Variants in NTM observed in about 807,000 individuals in gnomAD.
NTM encodes IgLON family member 2.
NTM carries 13 observed loss-of-function variants against 42.1 expected under a neutral mutation model. That is an observed-to-expected ratio of 0.31 (90% CI 0.20 to 0.49). The LOEUF (loss-of-function observed/expected upper bound fraction) is 0.49, where lower values mean the gene tolerates loss of function less well. Among genes scored for constraint, NTM ranks in the 20% least tolerant of loss-of-function variants. The probability of loss-of-function intolerance (pLI) is 0.99; values close to 1 mark genes in which losing one functional copy is unlikely to be tolerated. For synonymous variants in NTM, 187 were observed against 179.2 expected, an observed-to-expected ratio of 1.04 and a Z score of -0.35; for missense variants, 373 against 452.8, an observed-to-expected ratio of 0.82 and a Z score of 1.60.
At chr11:131,605,992 C>A in intron 1 of NTM, 1 of 660,960 alleles carries the variant, frequency 1.5e-6, no homozygotes, top group Non-Finnish European at 1.9e-6. Context: ...TGCCTCTCTG[C>A]TCCCAAGGAC....
intron 1 of NTM, among the ~76,000 whole-genome samples, chr11:131,553,474 A>G (rs2054979593): frequency 6.6e-6 from 1 of 152,114 alleles, no homozygotes; most frequent in Non-Finnish European, 1.5e-5. Context: ...TTCCTAGTTT[A>G]ATGAATGACA....
chr11:131,833,940 G>T (rs185513207), intron 1 of NTM, among the ~76,000 whole-genome samples: 1 of 151,956 alleles, frequency 6.6e-6, no homozygotes, highest in Admixed American at 6.6e-5. Flanking sequence ...AATTCTACTT[G>T]CTCTTCTCCC....
intron 2 of NTM, among the ~76,000 whole-genome samples, chr11:132,068,546 C>T (rs768965024): frequency 1.3e-5 from 2 of 152,202 alleles, no homozygotes; most frequent in African/African-American, 2.4e-5. Flanking sequence ...TTCTATCATG[C>T]ACTTACAAGT....
intron 1 of NTM, among the ~76,000 whole-genome samples, chr11:131,778,758 C>A (rs111909615): frequency 6.6e-6 from 1 of 152,082 alleles, no homozygotes; most frequent in South Asian, 2.1e-4. Flanking sequence ...CTCAATTTTC[C>A]GGTTAACTAT....
chr11:132,265,398 A>G (rs552223251), intron 4 of NTM, among the ~76,000 whole-genome samples: 4 of 152,298 alleles, frequency 2.6e-5, no homozygotes, highest in Admixed American at 2.6e-4. Flanking sequence ...TAAATTTTCT[A>G]ATACGCTAAA....
At chr11:131,775,099 C>G (rs140416559) in intron 1 of NTM, among the ~76,000 whole-genome samples, 1 of 152,176 alleles carries the variant, frequency 6.6e-6, no homozygotes, top group East Asian at 1.9e-4. Context: ...AATAATTCAG[C>G]ACAGGGCTCC....
intron 3 of NTM, among the ~76,000 whole-genome samples, chr11:132,156,464 A>G (rs1386868318): frequency 6.6e-6 from 1 of 152,160 alleles, no homozygotes; most frequent in East Asian, 1.9e-4. Context: ...CTCTGCCAGG[A>G]GCTAGAGCCT....
At chr11:131,641,979 C>T (rs1348538038) in intron 1 of NTM, among the ~76,000 whole-genome samples, 1 of 152,156 alleles carries the variant, frequency 6.6e-6, no homozygotes, top group Non-Finnish European at 1.5e-5. Flanking sequence ...CCTGCCTTGG[C>T]CTCCCTAAGT....
intron 1 of NTM, among the ~76,000 whole-genome samples, chr11:131,500,998 C>G (rs896444674): frequency 6.6e-6 from 1 of 151,264 alleles, no homozygotes; most frequent in Non-Finnish European, 1.5e-5. Context: ...AAAATGTGAC[C>G]CTATAGTTAT....
At position 131,516,263 on chromosome 11, in the gene NTM, T is replaced by C. The variant is rs566258640; in HGVS notation, c.82+145375T>C. Among the ~76,000 whole-genome samples the C allele has an allele frequency of 2.6e-5, 4 of 152,352 alleles. No homozygotes were observed. In the South Asian group the frequency reaches 6.2e-4, roughly 24 times the overall value. On this transcript the variant is annotated intron_variant, in intron 1 of 8. Transcript: ENST00000683400. ...TTATGTAATTCCTATATTCTATACATAGAACAGATGCTTAGTTTATTAATT... is the reference window on the plus strand; with the variant it reads ...TTATGTAATTCCTATATTCTATACACAGAACAGATGCTTAGTTTATTAATT...
At chr11:132,042,353 T>C (rs976527588) in intron 2 of NTM, among the ~76,000 whole-genome samples, 2 of 152,216 alleles carry the variant, frequency 1.3e-5, no homozygotes, top group African/African-American at 4.8e-5. Flanking sequence ...GGGATGTTTA[T>C]ACTTCCTGCT....
chr11:132,215,231 T>C (rs2083595552), intron 4 of NTM, among the ~76,000 whole-genome samples: 1 of 151,962 alleles, frequency 6.6e-6, no homozygotes, highest in Admixed American at 6.5e-5. Flanking sequence ...TCAAGATCTT[T>C]CTTACATGCG....
At chr11:132,290,900 A>C (rs1158979703) in intron 4 of NTM, among the ~76,000 whole-genome samples, 1 of 152,184 alleles carries the variant, frequency 6.6e-6, no homozygotes, top group East Asian at 1.9e-4. Context: ...GAGTGTTTCC[A>C]GGTGGTAGTA....
rs145339039 is a variant in NTM at position 132,062,933 on chromosome 11, A to T, written c.168-83349A>T. Among the ~76,000 whole-genome samples the T allele has an allele frequency of 1.6e-4, 24 of 152,286 alleles. No individual in the cohort carries two copies. The East Asian group carries it at 4.1e-3, about 26-fold the overall frequency. ...AGGCAGGATGGGTGGGGCTTTCGAA[A>T]GGAAAGCTCAGGGGCTTGGGAGAAA... On this transcript the variant is annotated intron_variant, in intron 2 of 8. Transcript: ENST00000683400.
intron 1 of NTM, among the ~76,000 whole-genome samples, chr11:131,689,851 G>A (rs2074427050): frequency 6.6e-6 from 1 of 152,178 alleles, no homozygotes; most frequent in African/African-American, 2.4e-5. Context: ...CTTCCAGAGA[G>A]ACTCAGCAAT....
intron 2 of NTM, among the ~76,000 whole-genome samples, chr11:132,058,656 C>G (rs1380977802): frequency 6.6e-6 from 1 of 152,100 alleles, no homozygotes; most frequent in African/African-American, 2.4e-5. Flanking sequence ...GTGGGTTTGG[C>G]TGGGGCAGGG....
At chr11:131,612,885 A>C (rs1158582558) in intron 1 of NTM, among the ~76,000 whole-genome samples, 1 of 152,186 alleles carries the variant, frequency 6.6e-6, no homozygotes. Flanking sequence ...CCTGGTTGTC[A>C]TCGCTCCCTC....
chr11:131,994,017 A>AAAG (rs58021603), intron 2 of NTM, among the ~76,000 whole-genome samples: 68,932 of 136,480 alleles, frequency 0.51, 18,394 homozygotes, highest in East Asian at 0.85. Context: ...AAAAAAAAAA[A>AAAG]AAGAAGAAGA....
chr11:131,439,199 G>T (rs1052770209), intron 1 of NTM, among the ~76,000 whole-genome samples: 14 of 152,132 alleles, frequency 9.2e-5, no homozygotes, highest in Admixed American at 5.9e-4. Flanking sequence ...AGGGTCATCT[G>T]CCTGTATGAG....
Sources: gnomAD v4.1 joint callset for allele counts (sites outside exome capture counted in the v4.1 genomes callset) on GRCh38, gnomAD v4.1.1 for gene constraint, MANE v1.5 for transcripts, NCBI Gene and HGNC (gene_info 2026-07-23, HGNC 2026-07-21) for gene names.